The following CFH variants were observed in gnomAD, a reference collection of about 807,000 sequenced individuals.
CFH encodes complement factor H, also known as H factor 1 (complement).
A neutral mutation model predicts 147.3 loss-of-function variants in CFH; 53 were observed. The observed-to-expected ratio is 0.36, with a 90% confidence interval of 0.29 to 0.45. The LOEUF is 0.45. Among genes scored for constraint, CFH ranks in the 20% least tolerant of loss-of-function variants. CFH has a pLI of 1.00. For synonymous variants in CFH, 536 were observed against 489.4 expected (o/e 1.10, Z -1.26); for missense variants, 1,380 against 1,498.0 (o/e 0.92, Z 1.30).
chr1:196,670,344 G>A (rs1282288566), intron 1 of CFH, among the ~76,000 whole-genome samples: 1 of 152,052 alleles, frequency 6.6e-6, no homozygotes, highest in Non-Finnish European at 1.5e-5. Flanking sequence ...GGAAAGGCAA[G>A]GGGCAGAATA....
chr1:196,705,317 G>A (rs1014113324), intron 9 of CFH, among the ~76,000 whole-genome samples: 14 of 151,936 alleles, frequency 9.2e-5, no homozygotes, highest in Admixed American at 1.3e-4. Context: ...ATCTGCTTTC[G>A]GACTGGAGAG....
intron 6 of CFH, among the ~76,000 whole-genome samples, chr1:196,682,895 G>A (rs1462839692): frequency 6.6e-6 from 1 of 151,548 alleles, no homozygotes; most frequent in East Asian, 1.9e-4. Context: ...TCAGAACGAA[G>A]TATAAACTTA....
chr1:196,699,459 T>C (rs1239994170), intron 9 of CFH, among the ~76,000 whole-genome samples: 1 of 152,210 alleles, frequency 6.6e-6, no homozygotes, highest in Non-Finnish European at 1.5e-5. Flanking sequence ...GTAAATATTT[T>C]GCAAATATTT....
At chr1:196,690,443 T>C in intron 9 of CFH, 2 of 695,220 alleles carry the variant, frequency 2.9e-6, no homozygotes, top group Non-Finnish European at 5.1e-6. Flanking sequence ...TAAATTCTCC[T>C]ATTAATGGGC....
In CFH at chr1:196,699,475, G is replaced by T. The variant is rs1668387849; in HGVS notation, c.1336+9236G>T. 3.9e-5 allele frequency among the ~76,000 whole-genome samples: 6 copies of T among 152,186 alleles called. No individual in the cohort carries two copies. In the South Asian group the frequency reaches 1.2e-3, roughly 32 times the overall value. ...TAAATATTTTGCAAATATTTTTCTT[G>T]CATCTGTAGCTTTACTTTTCTCTCT... On this transcript the variant is annotated intron_variant, in intron 9 of 21. Coordinates refer to ENST00000367429, the MANE Select transcript of CFH (RefSeq NM_000186.4).
intron 1 of CFH, among the ~76,000 whole-genome samples, chr1:196,670,623 C>A (rs1667244867): frequency 6.6e-6 from 1 of 152,080 alleles, no homozygotes; most frequent in Admixed American, 6.5e-5. Flanking sequence ...CTGAGGCCTC[C>A]CCAACCATGT....
chr1:196,690,186 C>A lies in CFH; in HGVS notation c.1283C>A (p.Thr428Lys). ...TACGCTCTTCCAAAAGCGCAGACCA[C>A]AGTTACATGTATGGAGAATGGCTGG... Reference protein sequence around the residue: ...PGYALPKAQTTVTCMENGWSP... With the variant: ...PGYALPKAQTKVTCMENGWSP... The change falls in exon 9 of 22, where the codon ACA (threonine) becomes AAA (lysine). Residue 428 changes from threonine to lysine, a missense_variant. Around this residue, in one of 4 missense-constraint regions of CFH, gnomAD observed 830 missense variants for 821.4 expected, o/e 1.01. Transcript: ENST00000367429. 1 of 1,613,412 alleles carries A rather than the reference C, an allele frequency of 6.2e-7. No homozygotes were observed. Among genetic ancestry groups the A allele is most frequent in the Admixed American group, 1.7e-5 (1 of 59,884 alleles).
intron 6 of CFH, among the ~76,000 whole-genome samples, chr1:196,683,899 A>T (rs1396447355): frequency 6.6e-6 from 1 of 151,806 alleles, no homozygotes; most frequent in East Asian, 1.9e-4. Flanking sequence ...TTACCATGGG[A>T]AATCAAATAG....
chr1:196,737,671 T>A lies in CFH; in HGVS notation c.2782+11T>A. The A allele has an allele frequency of 6.2e-7, 1 of 1,608,648 alleles. No homozygotes were observed. Among genetic ancestry groups the A allele is most frequent in the African/African-American group, 1.3e-5 (1 of 74,922 alleles). On this transcript the variant is annotated intron_variant, in intron 17 of 21. Transcript: ENST00000367429. ...CACCTCAGTGTGAAGGTTAGGCCAATATGAATACTCAATTTCTGTTTATAG... is the reference window on the plus strand; with the variant it reads ...CACCTCAGTGTGAAGGTTAGGCCAAAATGAATACTCAATTTCTGTTTATAG...
chr1:196,662,678 T>A (rs1666948333), intron 1 of CFH, among the ~76,000 whole-genome samples: 1 of 152,034 alleles, frequency 6.6e-6, no homozygotes, highest in Admixed American at 6.5e-5. Context: ...GCCCAGGAGT[T>A]TGAGACCAGC....
chr1:196,670,967 ACT>A (rs1446719298), intron 1 of CFH, among the ~76,000 whole-genome samples: 1 of 151,138 alleles, frequency 6.6e-6, no homozygotes, highest in Non-Finnish European at 1.5e-5. Context: ...ATTTTTTTAT[ACT>A]CTGTTTTGTT....
At chr1:196,737,450 C>T (rs1156408783) in intron 16 of CFH, 25 bp from the exon 17 acceptor site, 2 of 1,529,072 alleles carry the variant, frequency 1.3e-6, no homozygotes, top group Admixed American at 3.4e-5. Flanking sequence ...TGTTTTTAAC[C>T]CTTTGATTTT....
At chr1:196,733,630 CTAGA>C (rs1669332583) in intron 15 of CFH, among the ~76,000 whole-genome samples, 2 of 152,022 alleles carry the variant, frequency 1.3e-5, no homozygotes, top group African/African-American at 4.8e-5. Flanking sequence ...TTTCAGTGGT[CTAGA>C]TAGACTCTGG....
At chr1:196,744,330 A>T (rs923834884) in intron 20 of CFH, among the ~76,000 whole-genome samples, 2 of 152,074 alleles carry the variant, frequency 1.3e-5, no homozygotes, top group African/African-American at 4.8e-5. Context: ...TAAAATAATT[A>T]TTGATATATA....
At chr1:196,692,105 T>C (rs1474848276) in intron 9 of CFH, among the ~76,000 whole-genome samples, 2 of 152,032 alleles carry the variant, frequency 1.3e-5, no homozygotes, top group Non-Finnish European at 2.9e-5. Context: ...TTAACCAGCA[T>C]TGCAGTAACC....
At chr1:196,664,006 C>A (rs1480394692) in intron 1 of CFH, among the ~76,000 whole-genome samples, 1 of 152,130 alleles carries the variant, frequency 6.6e-6, no homozygotes, top group African/African-American at 2.4e-5. Flanking sequence ...ACTGTCTCGT[C>A]AGCTTTCTAA....
chr1:196,694,339 TCAA>T (rs1166239071), intron 9 of CFH, among the ~76,000 whole-genome samples: 3 of 152,040 alleles, frequency 2.0e-5, no homozygotes, highest in Non-Finnish European at 4.4e-5. Flanking sequence ...ACGAACTCAT[TCAA>T]TTTATGGCTG....
At chr1:196,672,587 G>T (rs1002762852) in intron 1 of CFH, among the ~76,000 whole-genome samples, 4 of 152,078 alleles carry the variant, frequency 2.6e-5, no homozygotes, top group African/African-American at 7.2e-5. Context: ...CAGATAGTTT[G>T]TTTCTTCATT....
intron 7 of CFH, among the ~76,000 whole-genome samples, chr1:196,686,878 TTAAA>T (rs1321407213): frequency 6.6e-6 from 1 of 152,114 alleles, no homozygotes; most frequent in Non-Finnish European, 1.5e-5. Flanking sequence ...TTTAATTTCA[TTAAA>T]TAACCATATC....
Sources: allele counts gnomAD v4.1 joint callset (sites outside exome capture counted in the v4.1 genomes callset), GRCh38; gene constraint gnomAD v4.1.1; regional missense constraint gnomAD v4.1.1; transcripts MANE v1.5; gene names NCBI Gene and HGNC (gene_info 2026-07-23, HGNC 2026-07-21).